The following SCRG1 variants were observed in gnomAD, a reference collection of about 807,000 sequenced individuals.
The protein encoded by SCRG1 is stimulator of chondrogenesis 1.
Under a neutral mutation model 7.7 loss-of-function variants are expected in SCRG1, and 3 were observed. The ratio of observed to expected loss-of-function variants is 0.39; its 90% CI spans 0.18 to 1.01. The LOEUF is 1.01. Ranked by LOEUF, SCRG1 falls within the 50% of genes least tolerant of loss-of-function variation. The pLI, the probability that SCRG1 is intolerant of heterozygous loss-of-function variation, is 0.36. For synonymous variants in SCRG1, 46 were observed against 41.2 expected (o/e 1.12, Z -0.44); for missense variants, 110 against 117.2 (o/e 0.94, Z 0.28).
rs1430309856 is a variant in SCRG1 at position 173,385,869 on chromosome 4, A to G, written c.*2472T>C. On this transcript the variant is annotated 3_prime_UTR_variant, in exon 3 of 3. Coordinates refer to ENST00000296506, the MANE Select transcript of SCRG1 (RefSeq NM_007281.4). ...AAGGAGAGTTCCTACCAAGTAGAAA[A>G]TAAAACTGGTTTGCTGATAGTTTTT... The G allele has an allele frequency of 6.6e-6, 1 of 152,196 alleles. No homozygotes were observed. The highest frequency in any genetic ancestry group is 1.5e-5 in the Non-Finnish European group (1 of 68,036). 9.4% of individuals were successfully genotyped at this position (152,196 alleles called of 1,614,324 possible).
upstream of SCRG1, among the ~76,000 whole-genome samples, chr4:173,401,738 T>C (rs1342316856): frequency 6.6e-6 from 1 of 152,188 alleles, no homozygotes; most frequent in Non-Finnish European, 1.5e-5. Context: ...TTAGGAAAGT[T>C]TTCCCCTAAG....
At chr4:173,432,325 T>TC in the SCRG1 span, among the ~76,000 whole-genome samples, 9 of 126,798 alleles carry the variant, frequency 7.1e-5, no homozygotes, top group Non-Finnish European at 1.2e-4. Context: ...TTCCCTTCCT[T>TC]CCTTCCTTCC....
the SCRG1 span, among the ~76,000 whole-genome samples, chr4:173,429,343 G>T: frequency 6.6e-6 from 1 of 152,010 alleles, no homozygotes; most frequent in Non-Finnish European, 1.5e-5. Context: ...GGAGTGCAGT[G>T]GTGCCATCAT....
chr4:173,398,754 G>A (rs774843161), intron 1 of SCRG1, among the ~76,000 whole-genome samples: 1 of 152,218 alleles, frequency 6.6e-6, no homozygotes, highest in African/African-American at 2.4e-5. Context: ...GATAAGTCCT[G>A]TTGTGTGGGA....
chr4:173,503,370 A>G, the SCRG1 span, among the ~76,000 whole-genome samples: 273 of 152,326 alleles, frequency 1.8e-3, 1 homozygote, highest in African/African-American at 6.3e-3. This position sits in a 1 kb window ranked among gnomAD's most constrained non-coding sequence, Gnocchi z 6.4. Context: ...CCAGAACTCA[A>G]GGTTCAGACC....
the SCRG1 span, among the ~76,000 whole-genome samples, chr4:173,492,646 C>CA: frequency 1.3e-5 from 2 of 152,224 alleles, no homozygotes; most frequent in Non-Finnish European, 2.9e-5. Flanking sequence ...GAGCCCCCTA[C>CA]ACCCACGAGG....
chr4:173,478,337 A>T, the SCRG1 span, among the ~76,000 whole-genome samples: 9 of 152,090 alleles, frequency 5.9e-5, no homozygotes, highest in South Asian at 1.9e-3. Flanking sequence ...AATCCTGGGA[A>T]TGTGGTCCTT....
the SCRG1 span, among the ~76,000 whole-genome samples, chr4:173,507,493 A>T: frequency 6.6e-6 from 1 of 152,300 alleles, no homozygotes; most frequent in East Asian, 1.9e-4. The surrounding 1 kb of genome is among the most constrained non-coding windows in gnomAD (Gnocchi z 4.4). Context: ...TACAGGCGTG[A>T]GCCTCCCGGC....
intron 2 of SCRG1, among the ~76,000 whole-genome samples, chr4:173,390,618 A>C (rs1739403257): frequency 6.6e-6 from 1 of 151,960 alleles, no homozygotes; most frequent in South Asian, 2.1e-4. Context: ...GATTACAGGC[A>C]CATGCCACCA....
chr4:173,492,505 G>A, the SCRG1 span, among the ~76,000 whole-genome samples: 12 of 152,226 alleles, frequency 7.9e-5, no homozygotes, highest in East Asian at 2.3e-3. Flanking sequence ...CACCCAAGCA[G>A]GCTTGTTTCC....
At chr4:173,493,610 C>T in the SCRG1 span, among the ~76,000 whole-genome samples, 1 of 136,098 alleles carries the variant, frequency 7.3e-6, no homozygotes, top group Non-Finnish European at 1.5e-5. Flanking sequence ...GAGCAAGACT[C>T]AGTCAGAAAA....
rs1739235474 is a variant in SCRG1 at position 173,386,143 on chromosome 4, T to C, written c.*2198A>G. ...TTCTGACTTGTGTTTATATACACTT[T>C]TTTTTTGGGGGGACGGAGTCTCACT... On this transcript the variant is annotated 3_prime_UTR_variant, in exon 3 of 3. Transcript: ENST00000296506. The C allele has an allele frequency of 6.6e-6, 1 of 152,280 alleles. No individual in the cohort carries two copies. The highest frequency in any genetic ancestry group is 1.5e-5 in the Non-Finnish European group (1 of 68,130). The allele number at this position is 152,280 out of a possible 1,614,324, so 9.4% of individuals were successfully genotyped here.
Position 173,388,092 on chromosome 4 carries a change from T to C in SCRG1, c.*249A>G, listed in dbSNP as rs549128747. The C allele has an allele frequency of 4.9e-6, 2 of 405,216 alleles. No individual in the cohort carries two copies. The highest frequency in any genetic ancestry group is 7.8e-5 in the East Asian group (2 of 25,596). The allele number at this position is 405,216 out of a possible 1,614,324, so 25.1% of individuals were successfully genotyped here. ...GACAGAACTCTTTAACTGAGTATAA[T>C]GAACACCTCATAGATTACATTTTCT... On this transcript the variant is annotated 3_prime_UTR_variant, in exon 3 of 3. Transcript: ENST00000296506.
upstream of SCRG1, among the ~76,000 whole-genome samples, chr4:173,400,325 A>G (rs959471413): frequency 2.6e-5 from 4 of 152,258 alleles, no homozygotes; most frequent in African/African-American, 9.6e-5. Flanking sequence ...ACTGTTAATC[A>G]TCTAGAAAAA....
chr4:173,408,704 A>T (rs939138860), upstream of SCRG1, among the ~76,000 whole-genome samples: 4 of 152,164 alleles, frequency 2.6e-5, no homozygotes, highest in African/African-American at 9.7e-5. Context: ...TCAGAAAATT[A>T]ATGAGTCTGC....
At chr4:173,412,527 T>TCTG in the SCRG1 span, among the ~76,000 whole-genome samples, 1 of 152,200 alleles carries the variant, frequency 6.6e-6, no homozygotes, top group Non-Finnish European at 1.5e-5. Context: ...ATACTCTGTC[T>TCTG]CTGAGCTGAA....
chr4:173,501,719 G>C, the SCRG1 span, among the ~76,000 whole-genome samples: 1 of 152,148 alleles, frequency 6.6e-6, no homozygotes, highest in Non-Finnish European at 1.5e-5. This position sits in a 1 kb window ranked among gnomAD's most constrained non-coding sequence, Gnocchi z 5.1. Context: ...TGGATGCAGA[G>C]GCATGGGTTA....
intron 1 of SCRG1, among the ~76,000 whole-genome samples, chr4:173,393,229 C>T (rs972014241): frequency 2.0e-5 from 3 of 151,980 alleles, no homozygotes; most frequent in Admixed American, 2.0e-4. Context: ...TGCTTTTTTC[C>T]CTTTAGATTA....
chr4:173,441,230 G>A, the SCRG1 span, among the ~76,000 whole-genome samples: 1 of 152,150 alleles, frequency 6.6e-6, no homozygotes, highest in Non-Finnish European at 1.5e-5. Context: ...ACATGTAAAG[G>A]AGGCTAAAAA....
Sources: allele counts gnomAD v4.1 joint callset (sites outside exome capture counted in the v4.1 genomes callset), GRCh38; gene constraint gnomAD v4.1.1; non-coding constraint Gnocchi (gnomAD v3.1); transcripts MANE v1.5; gene names NCBI Gene and HGNC (gene_info 2026-07-23, HGNC 2026-07-21).